SLC13A1: variants seen among roughly 807,000 people sequenced by gnomAD.
SLC13A1 encodes the protein Na(+)/sulfate cotransporter.
A neutral mutation model predicts 70.0 loss-of-function variants in SLC13A1; 65 were observed. The observed-to-expected ratio is 0.93, with a 90% CI of 0.76 to 1.14. The LOEUF (loss-of-function observed/expected upper bound fraction) is 1.14, where lower values mean the gene tolerates loss of function less well. Ranked by LOEUF, SLC13A1 falls within the 50% of genes most tolerant of loss-of-function variation. The pLI, the probability that SLC13A1 is intolerant of heterozygous loss-of-function variation, is 0.00. For synonymous variants in SLC13A1, 275 were observed against 250.5 expected, an observed-to-expected ratio of 1.10 and a Z score of -0.92; for missense variants, 726 against 717.8, an observed-to-expected ratio of 1.01 and a Z score of -0.13.
At chr7:123,177,009 C>G (rs1795468839) in intron 2 of SLC13A1, among the ~76,000 whole-genome samples, 1 of 152,158 alleles carries the variant, frequency 6.6e-6, no homozygotes, top group Non-Finnish European at 1.5e-5. Flanking sequence ...AGCTCTCTCT[C>G]ATGAACTCTG....
In SLC13A1 at chr7:123,115,298, G is replaced by T; in HGVS notation, c.*220C>A. 1 of 350,686 alleles carries T rather than the reference G, an allele frequency of 2.9e-6. No individual in the cohort carries two copies. Among genetic ancestry groups the T allele is most frequent in the Non-Finnish European group, 5.2e-6 (1 of 193,874 alleles). The allele number at this position is 350,686 out of a possible 1,614,324, so 21.7% of individuals were successfully genotyped here. On this transcript the variant is annotated 3_prime_UTR_variant, in exon 15 of 15. Coordinates refer to ENST00000194130, the MANE Select transcript of SLC13A1 (RefSeq NM_022444.4). ...GTTCATGAGCAAAATCTCAAAACAT[G>T]GGCTTCTTGATGAAGGCACATAGAT...
intron 7 of SLC13A1, among the ~76,000 whole-genome samples, chr7:123,145,524 T>C (rs1794320710): frequency 6.6e-6 from 1 of 152,194 alleles, no homozygotes; most frequent in African/African-American, 2.4e-5. Context: ...AACTAAGATG[T>C]GGAATCCCTT....
rs777474820 is a variant in SLC13A1 at position 123,169,178 on chromosome 7, C to T, written c.523G>A (p.Gly175Arg). The change falls in exon 4 of 15, where the codon GGA (glycine) becomes AGA (arginine). Residue 175 changes from glycine to arginine, a missense_variant. Coordinates refer to ENST00000194130, the MANE Select transcript of SLC13A1 (RefSeq NM_022444.4). ...ATTTCTAGTCCGTGGTTGGTTGATC[C>T]GTTGAAGTAAGTCATCTGAGTGGCC... ...VEATQMTYFN[G>R]STNHGLEIDE... The T allele has an allele frequency of 1.8e-5, 29 of 1,613,838 alleles. No individual in the cohort carries two copies. Among genetic ancestry groups the T allele is most frequent in the East Asian group, 1.8e-4 (8 of 44,866 alleles).
chr7:123,196,634 T>C lies in SLC13A1; in HGVS notation c.99+3214A>G, dbSNP rs186055848. 1.5e-4 allele frequency among the ~76,000 whole-genome samples: 23 copies of C among 152,194 alleles called. No individual in the cohort carries two copies. The East Asian group carries it at 4.3e-3, about 28-fold the overall frequency. On this transcript the variant is annotated intron_variant, in intron 1 of 14. Coordinates refer to ENST00000194130, the MANE Select transcript of SLC13A1 (RefSeq NM_022444.4). Reference sequence around the variant, plus strand: ...GGACACCCAGCAAATGACATCCTTATAGCTTCAGTTCTCATAAGCCTATCT... The same window carrying C: ...GGACACCCAGCAAATGACATCCTTACAGCTTCAGTTCTCATAAGCCTATCT...
chr7:123,141,650 C>A (rs899625647), intron 7 of SLC13A1, among the ~76,000 whole-genome samples: 13 of 152,220 alleles, frequency 8.5e-5, no homozygotes, highest in Middle Eastern at 3.4e-3. Context: ...TATCCTCTTG[C>A]TGGATTGACT....
chr7:123,156,385 C>A (rs1463826124), intron 6 of SLC13A1, among the ~76,000 whole-genome samples: 1 of 151,676 alleles, frequency 6.6e-6, no homozygotes, highest in East Asian at 1.9e-4. Flanking sequence ...TTTTACATTT[C>A]AAAATTAAAG....
At chr7:123,157,093 A>T (rs925158440) in intron 6 of SLC13A1, among the ~76,000 whole-genome samples, 1 of 152,084 alleles carries the variant, frequency 6.6e-6, no homozygotes, top group Non-Finnish European at 1.5e-5. Flanking sequence ...CTTTCTTACA[A>T]GGGATACCTA....
chr7:123,171,436 C>T (rs915722305), intron 3 of SLC13A1, among the ~76,000 whole-genome samples: 7 of 152,120 alleles, frequency 4.6e-5, no homozygotes, highest in Non-Finnish European at 7.4e-5. Flanking sequence ...TAAACAAGAT[C>T]GGAGGAAAAT....
At chr7:123,124,432 G>A (rs1038577815) in intron 11 of SLC13A1, among the ~76,000 whole-genome samples, 2 of 152,126 alleles carry the variant, frequency 1.3e-5, no homozygotes, top group African/African-American at 4.8e-5. Flanking sequence ...TGCTGTGCTG[G>A]TCACATATGT....
chr7:123,162,957 T>G (rs1275284336), intron 6 of SLC13A1, among the ~76,000 whole-genome samples: 1 of 152,154 alleles, frequency 6.6e-6, no homozygotes, highest in African/African-American at 2.4e-5. Flanking sequence ...TCTCAGATTT[T>G]TCATTAAAAG....
Position 123,153,183 on chromosome 7 carries a change from GGTTAA to G in SLC13A1, c.661-5878_661-5874del, listed in dbSNP as rs373242286. The stretch of plus-strand genomic sequence containing the variant: ...AAACAAAAAAATCAAAACAGAAACA[GGTTAA>G]TATGTTTGCCATGCTTTATGCCTTA... On this transcript the variant is annotated intron_variant, in intron 6 of 14. Transcript: ENST00000194130. 4.7e-4 allele frequency among the ~76,000 whole-genome samples: 71 copies of G among 151,966 alleles called. 1 individual carries two copies. The East Asian group carries it at 8.6e-3, about 18-fold the overall frequency.
chr7:123,180,938 G>A, intron 2 of SLC13A1, 35 bp downstream of exon 2: 1 of 1,582,370 alleles, frequency 6.3e-7, no homozygotes, highest in African/African-American at 1.4e-5. Flanking sequence ...ATACAAAACA[G>A]GAAATCAACT....
intron 6 of SLC13A1, among the ~76,000 whole-genome samples, chr7:123,165,796 G>C (rs757142551): frequency 3.9e-5 from 6 of 151,992 alleles, no homozygotes; most frequent in Non-Finnish European, 8.8e-5. Flanking sequence ...TTACTTAGCT[G>C]GTTCTTTGAA....
intron 4 of SLC13A1, 129 bp downstream of exon 4, chr7:123,169,019 G>T: frequency 1.3e-6 from 1 of 770,092 alleles, no homozygotes. Flanking sequence ...GAGAACTATA[G>T]AGGGAAGAAA....
chr7:123,156,457 G>T (rs1211041919), intron 6 of SLC13A1, among the ~76,000 whole-genome samples: 2 of 152,088 alleles, frequency 1.3e-5, no homozygotes, highest in Non-Finnish European at 2.9e-5. Flanking sequence ...TGGTCCATAT[G>T]TTGGTAGATG....
intron 8 of SLC13A1, among the ~76,000 whole-genome samples, chr7:123,132,402 G>A (rs560791230): frequency 6.6e-6 from 1 of 152,000 alleles, no homozygotes; most frequent in African/African-American, 2.4e-5. Flanking sequence ...ACAGACTTTT[G>A]CTCTTGTCAC....
intron 10 of SLC13A1, among the ~76,000 whole-genome samples, chr7:123,126,524 T>C (rs1239285237): frequency 6.6e-6 from 1 of 152,126 alleles, no homozygotes; most frequent in African/African-American, 2.4e-5. Flanking sequence ...AGAAGAAATA[T>C]GTACCATGCT....
In SLC13A1 at chr7:123,119,133, A is replaced by C; in HGVS notation, c.1460T>G (p.Val487Gly). 1 of 1,612,784 alleles carries C rather than the reference A, an allele frequency of 6.2e-7. No individual in the cohort carries two copies. The highest frequency in any genetic ancestry group is 8.5e-7 in the Non-Finnish European group (1 of 1,179,210). Residue 487 changes from valine to glycine, a missense_variant, in exon 13 of 15, where the codon GTA (valine) becomes GGA (glycine). Physicochemically the swap from Val to Gly is moderately radical, Grantham distance 109. Transcript: ENST00000194130. ...SSLMVTSLTE[V>G]ASNPATITLF... ...TGTAATGGTAGCTGGATTGCTGGCT[A>C]CCTCAGTTAAAGATGTCACCATCAA...
At chr7:123,178,006 T>C in intron 2 of SLC13A1, among the ~76,000 whole-genome samples, 1 of 140,290 alleles carries the variant, frequency 7.1e-6, no homozygotes, top group African/African-American at 2.6e-5. Flanking sequence ...ATAACACCTA[T>C]ATCTCTCTCT....
Sources: allele counts gnomAD v4.1 joint callset (sites outside exome capture counted in the v4.1 genomes callset), GRCh38; gene constraint gnomAD v4.1.1; transcripts MANE v1.5; gene names NCBI Gene and HGNC (gene_info 2026-07-23, HGNC 2026-07-21).